The following MEIS1 variants were observed in gnomAD, a reference collection of about 807,000 sequenced individuals.
MEIS1 encodes the protein homeobox protein Meis1.
MEIS1 carries 5 observed loss-of-function variants against 50.8 expected under a neutral mutation model. The ratio of observed to expected loss-of-function variants is 0.10; its 90% CI spans 0.05 to 0.21. The LOEUF (loss-of-function observed/expected upper bound fraction) is 0.21. Ranked by LOEUF, MEIS1 falls within the 10% of genes least tolerant of loss-of-function variation. MEIS1 has a pLI of 1.00. For synonymous variants in MEIS1, 176 were observed against 179.3 expected (o/e 0.98, Z 0.15); for missense variants, 318 against 517.3 (o/e 0.61, Z 3.74).
chr2:66,440,514 C>CT, intron 3 of MEIS1, 48 bp from the exon 4 acceptor site: 1 of 1,541,678 alleles, frequency 6.5e-7, no homozygotes, highest in South Asian at 1.2e-5. Context: ...ATTTTTCTTT[C>CT]TTTTTTCTCT....
At position 66,568,335 on chromosome 2, in the gene MEIS1, G is replaced by A. The variant is rs1352552697; in HGVS notation, c.1025-332G>A. 5 of 233,166 alleles carry A rather than the reference G, an allele frequency of 2.1e-5. No homozygotes were observed. In the East Asian group the frequency reaches 4.4e-4, roughly 20 times the overall value. 14.4% of individuals were successfully genotyped at this position (233,166 alleles called of 1,614,324 possible). ...TCTCTCATCTCTTAGGGAGCACTAT[G>A]GAAAACTATGTTAGCATCGCATTGA... On this transcript the variant is annotated intron_variant, in intron 10 of 12. Coordinates refer to ENST00000272369, the MANE Select transcript of MEIS1 (RefSeq NM_002398.3).
intron 8 of MEIS1, among the ~76,000 whole-genome samples, chr2:66,537,679 A>G (rs1674555330): frequency 6.6e-6 from 1 of 152,228 alleles, no homozygotes; most frequent in South Asian, 2.1e-4. Context: ...CTGTAAAGGC[A>G]ATAATGATTG....
intron 7 of MEIS1, among the ~76,000 whole-genome samples, chr2:66,490,453 T>C (rs1388438511): frequency 1.3e-5 from 2 of 150,314 alleles, no homozygotes; most frequent in African/African-American, 5.0e-5. Flanking sequence ...GATAAAATTA[T>C]GTTATGGACT....
At position 66,571,779 on chromosome 2, in the gene MEIS1, GTTGT is replaced by G. The variant is rs1394709938; in HGVS notation, c.*574_*577del. The G allele has an allele frequency of 4.4e-6, 2 of 452,692 alleles. No homozygotes were observed. Among genetic ancestry groups the G allele is most frequent in the East Asian group, 9.1e-5 (2 of 22,022 alleles). 28.0% of individuals were successfully genotyped at this position (452,692 alleles called of 1,614,324 possible). A position where few individuals can be genotyped will look rare whatever the true frequency, so the allele number is the denominator to read the frequency against. On this transcript the variant is annotated 3_prime_UTR_variant, in exon 13 of 13. Transcript: ENST00000272369. ...GCTATTATACTGTTATCCATATTAC[GTTGT>G]TTCTTATAGATTTTTTAAAAAAAAT...
intron 6 of MEIS1, among the ~76,000 whole-genome samples, chr2:66,456,201 C>G (rs1672383079): frequency 6.7e-6 from 1 of 149,852 alleles, no homozygotes; most frequent in Non-Finnish European, 1.5e-5. Context: ...TCTACCTATA[C>G]AAACTACCCA....
intron 7 of MEIS1, among the ~76,000 whole-genome samples, chr2:66,466,951 A>AG (rs1390072333): frequency 6.6e-6 from 1 of 151,858 alleles, no homozygotes; most frequent in African/African-American, 2.4e-5. Context: ...TAAAAAAAAA[A>AG]AAAAGAAAAG....
intron 6 of MEIS1, among the ~76,000 whole-genome samples, chr2:66,447,382 A>G (rs1672177693): frequency 6.6e-6 from 1 of 152,232 alleles, no homozygotes; most frequent in Non-Finnish European, 1.5e-5. Flanking sequence ...AAGTCTTAGC[A>G]TCACCTAACT....
intron 6 of MEIS1, among the ~76,000 whole-genome samples, chr2:66,453,342 T>A (rs6744453): frequency 0.011 from 1,618 of 152,058 alleles, 28 homozygotes; most frequent in African/African-American, 0.037. Context: ...GGCTGAAGAA[T>A]GACATTCTGA....
chr2:66,479,658 G>A (rs113776129), intron 7 of MEIS1, among the ~76,000 whole-genome samples: 4 of 152,110 alleles, frequency 2.6e-5, no homozygotes, highest in Admixed American at 2.6e-4. Flanking sequence ...AAGTGTCATT[G>A]GTTAATATGA....
Position 66,473,397 on chromosome 2 carries a change from A to AAAAAAAATATATATAT in MEIS1, c.742+9178_742+9179insAAAAAATATATATATA. 6.5e-4 allele frequency among the ~76,000 whole-genome samples: 70 copies of AAAAAAAATATATATAT among 107,544 alleles called. 1 individual carries two copies. Among genetic ancestry groups the AAAAAAAATATATATAT allele is most frequent in the African/African-American group, 3.9e-3 (66 of 17,118 alleles). The allele number at this position is 107,544 out of a possible 152,430, so 70.6% of individuals were successfully genotyped here. On this transcript the variant is annotated intron_variant, in intron 7 of 12. Transcript: ENST00000272369. ...CCATGTCAAAAAAAAAAAAAAAAAA[A>AAAAAAAATATATATAT]ATATATATATATATATATATAGTAA...
At chr2:66,438,319 C>G (rs1187578895) in intron 2 of MEIS1, among the ~76,000 whole-genome samples, 1 of 152,160 alleles carries the variant, frequency 6.6e-6, no homozygotes, top group Admixed American at 6.5e-5. Flanking sequence ...TAAATGCAGG[C>G]GCCTTTGTGT....
chr2:66,562,038 A>ATTTTTTTTTTTTTTTTG (rs1675226098), intron 9 of MEIS1: 1 of 61,274 alleles, frequency 1.6e-5, no homozygotes, highest in Non-Finnish European at 2.8e-5. Context: ...TGAGCAAGTA[A>ATTTTTTTTTTTTTTTTG]TTTTTTTTTT....
intron 6 of MEIS1, among the ~76,000 whole-genome samples, chr2:66,451,266 T>G (rs1672270380): frequency 6.6e-6 from 1 of 152,142 alleles, no homozygotes; most frequent in Non-Finnish European, 1.5e-5. Context: ...TATTCTTAAC[T>G]GATTGTCCAT....
At position 66,571,395 on chromosome 2, in the gene MEIS1, C is replaced by G; in HGVS notation, c.*187C>G. ...CATGCATACGTACATTCCTGGACACCCTCACCACCCAACAGTGATGATGCA... is the reference window on the plus strand; with the variant it reads ...CATGCATACGTACATTCCTGGACACGCTCACCACCCAACAGTGATGATGCA... On this transcript the variant is annotated 3_prime_UTR_variant, in exon 13 of 13. Coordinates refer to ENST00000272369, the MANE Select transcript of MEIS1 (RefSeq NM_002398.3). The G allele has an allele frequency of 6.2e-7, 1 of 1,604,854 alleles. No homozygotes were observed. Among genetic ancestry groups the G allele is most frequent in the Non-Finnish European group, 8.5e-7 (1 of 1,175,904 alleles).
At chr2:66,466,941 T>TAAAAAAAAAAAAAA (rs397944047) in intron 7 of MEIS1, among the ~76,000 whole-genome samples, 1 of 130,480 alleles carries the variant, frequency 7.7e-6, no homozygotes, top group African/African-American at 2.7e-5. Context: ...CACCTGTGGT[T>TAAAAAAAAAAAAAA]AAAAAAAAAA....
intron 5 of MEIS1, among the ~76,000 whole-genome samples, chr2:66,442,270 TAAAAA>T (rs11292294): frequency 6.1e-5 from 7 of 114,550 alleles, no homozygotes; most frequent in South Asian, 6.1e-4. Flanking sequence ...CTCCTTTTTG[TAAAAA>T]AAAAAAAAAA....
At chr2:66,571,139 C>G in intron 12 of MEIS1, 107 bp from the exon 13 acceptor site, 1 of 1,121,904 alleles carries the variant, frequency 8.9e-7, no homozygotes. Flanking sequence ...ACCATGTTCC[C>G]TTAATCACAG....
intron 6 of MEIS1, among the ~76,000 whole-genome samples, chr2:66,455,879 T>C (rs1672376327): frequency 6.6e-6 from 1 of 152,212 alleles, no homozygotes; most frequent in Non-Finnish European, 1.5e-5. Context: ...CCTTATGCCT[T>C]ACGTATGTGA....
intron 7 of MEIS1, among the ~76,000 whole-genome samples, chr2:66,490,147 A>G (rs1673237767): frequency 1.3e-5 from 2 of 152,264 alleles, no homozygotes. Flanking sequence ...TGGCAAATTC[A>G]GCGTCTACAG....
Sources: gnomAD v4.1 joint callset for allele counts (sites outside exome capture counted in the v4.1 genomes callset) on GRCh38, gnomAD v4.1.1 for gene constraint, MANE v1.5 for transcripts, NCBI Gene and HGNC (gene_info 2026-07-23, HGNC 2026-07-21) for gene names.